COPS9: variants seen among roughly 807,000 people sequenced by gnomAD.
COPS9 encodes COP9 signalosome complex subunit 9.
A neutral mutation model predicts 7.2 loss-of-function variants in COPS9; 8 were observed. The observed-to-expected ratio is 1.11, with a 90% CI of 0.65 to 2.00. COPS9 has a LOEUF of 2.00. COPS9 is among the 30% of genes most tolerant of loss of function. The pLI is 0.00. For missense variants in COPS9, 74 were observed against 77.7 expected (o/e 0.95, Z 0.18); for synonymous variants, 39 against 28.7 (o/e 1.36, Z -1.14).
At chr2:240,127,462 G>T (rs2071878130), downstream of COPS9, among the ~76,000 whole-genome samples, 1 of 152,070 alleles carries the variant, frequency 6.6e-6, no homozygotes, top group Admixed American at 6.5e-5. Context: ...TGCCCACATC[G>T]GGCCATGTCT....
chr2:240,134,037 T>C (rs779658569), intron 1 of COPS9, 32 bp from the exon 2 acceptor site: 4 of 1,611,104 alleles, frequency 2.5e-6, no homozygotes, highest in Non-Finnish European at 8.5e-7. Flanking sequence ...TTATGTCAGG[T>C]GCGTTTTCCG....
intron 1 of COPS9, among the ~76,000 whole-genome samples, chr2:240,134,603 C>T (rs1479173172): frequency 1.3e-5 from 2 of 152,198 alleles, no homozygotes; most frequent in East Asian, 3.9e-4. Context: ...CCTCTGACAG[C>T]AGCACCCTGG....
chr2:240,130,644 C>T (rs144589045), downstream of COPS9, among the ~76,000 whole-genome samples: 10 of 152,356 alleles, frequency 6.6e-5, no homozygotes, highest in South Asian at 4.1e-4. Context: ...CAGCTGTGCA[C>T]GGGCCGCGCT....
chr2:240,128,928 T>A (rs968402544), downstream of COPS9, among the ~76,000 whole-genome samples: 2 of 152,232 alleles, frequency 1.3e-5, no homozygotes, highest in African/African-American at 4.8e-5. Context: ...GACACTGACA[T>A]GCACACATGT....
chr2:240,129,415 C>T (rs1306040476), downstream of COPS9, among the ~76,000 whole-genome samples: 1 of 152,194 alleles, frequency 6.6e-6, no homozygotes, highest in Non-Finnish European at 1.5e-5. Context: ...ACCCTCCCGC[C>T]TCACCCTCCC....
chr2:240,127,778 T>C (rs1227772920), downstream of COPS9, among the ~76,000 whole-genome samples: 1 of 152,148 alleles, frequency 6.6e-6, no homozygotes, highest in East Asian at 1.9e-4. Context: ...AGTCCCTCTG[T>C]TGTTGCTTGT....
chr2:240,126,875 C>G, downstream of COPS9: 4 of 1,614,178 alleles, frequency 2.5e-6, no homozygotes, highest in Non-Finnish European at 3.4e-6. Flanking sequence ...CCGCCCCCTG[C>G]CCATGGCCTG....
chr2:240,127,354 G>T (rs2071877320), downstream of COPS9, among the ~76,000 whole-genome samples: 1 of 151,384 alleles, frequency 6.6e-6, no homozygotes, highest in African/African-American at 2.4e-5. Context: ...CAGGGCCCCT[G>T]TTAACCAGTC....
chr2:240,130,028 G>A, downstream of COPS9: 1 of 1,610,474 alleles, frequency 6.2e-7, no homozygotes, highest in Non-Finnish European at 8.5e-7. Flanking sequence ...GTCCTGAGCT[G>A]CTGAGCCCCA....
At chr2:240,135,186 TC>T (rs2071963102) in intron 1 of COPS9, among the ~76,000 whole-genome samples, 1 of 151,918 alleles carries the variant, frequency 6.6e-6, no homozygotes, top group African/African-American at 2.4e-5. Flanking sequence ...GACACAACAT[TC>T]CCTTCCCTTG....
At position 240,136,178 on chromosome 2, in the gene COPS9, TC is replaced by T. The variant is rs1201878789; in HGVS notation, c.63+43del. Reference sequence around the variant, plus strand: ...AGGACGCCGCCCTTCCGCTCCCCCTTCCCCGCTCCCCACGCTCGGAGACTCC... The same window carrying T: ...AGGACGCCGCCCTTCCGCTCCCCCTTCCCGCTCCCCACGCTCGGAGACTCC... On this transcript the variant is annotated intron_variant, in intron 1 of 2. Transcript: ENST00000607357. 7 of 1,470,070 alleles carry T rather than the reference TC, an allele frequency of 4.8e-6. No individual in the cohort carries two copies. In the East Asian group the frequency reaches 1.1e-4, roughly 24 times the overall value. The allele number at this position is 1,470,070 out of a possible 1,614,324, so 91.1% of individuals were successfully genotyped here.
At chr2:240,131,369 G>A (rs78869736) in intron 2 of COPS9, among the ~76,000 whole-genome samples, 3 of 152,278 alleles carry the variant, frequency 2.0e-5, no homozygotes, top group South Asian at 2.1e-4. Context: ...GGACACCACC[G>A]CACAGCCACA....
rs988814763 is a variant in COPS9, at chr2:240,130,829, G to A, written c.*222C>T. 3 of 1,402,220 alleles carry A rather than the reference G, an allele frequency of 2.1e-6. No individual in the cohort carries two copies. The highest frequency in any genetic ancestry group is 3.2e-5 in the Admixed American group (1 of 31,674). 86.9% of individuals were successfully genotyped at this position (1,402,220 alleles called of 1,614,324 possible). A position where few individuals can be genotyped will look rare whatever the true frequency, so the allele number is the denominator to read the frequency against. On this transcript the variant is annotated 3_prime_UTR_variant, in exon 3 of 3. Coordinates refer to ENST00000607357, the MANE Select transcript of COPS9 (RefSeq NM_001163424.2). ...GCAAGAAAGAGATCACTCCACATGTGACATTGCTTTCTTTTAATTGGAGTG... is the reference window on the plus strand; with the variant it reads ...GCAAGAAAGAGATCACTCCACATGTAACATTGCTTTCTTTTAATTGGAGTG...
chr2:240,131,148 C>T, intron 2 of COPS9, 60 bp from the exon 3 acceptor site: 1 of 1,556,028 alleles, frequency 6.4e-7, no homozygotes, highest in South Asian at 1.2e-5. Context: ...GAAGAAATCA[C>T]TTCAGAATGA....
intron 2 of COPS9, among the ~76,000 whole-genome samples, chr2:240,131,764 T>C (rs560685627): frequency 6.6e-6 from 1 of 152,338 alleles, no homozygotes; most frequent in South Asian, 2.1e-4. Context: ...CAATCATCAC[T>C]TTCACAATGG....
downstream of COPS9, chr2:240,126,720 A>G: frequency 1.9e-6 from 3 of 1,614,100 alleles, no homozygotes; most frequent in Non-Finnish European, 2.5e-6. Flanking sequence ...TGTGGTTCTG[A>G]GCACCTCTAG....
intron 2 of COPS9, 48 bp downstream of exon 2, chr2:240,133,885 G>T: frequency 6.3e-7 from 1 of 1,588,466 alleles, no homozygotes; most frequent in Non-Finnish European, 8.6e-7. Flanking sequence ...TTCACCTAGA[G>T]AAGAAATATT....
downstream of COPS9, chr2:240,130,767 C>G: frequency 2.3e-6 from 3 of 1,327,100 alleles, no homozygotes; most frequent in Non-Finnish European, 2.9e-6. Flanking sequence ...CACAAACACA[C>G]AGAGACGTTT....
At chr2:240,129,941 C>T (rs749433930), downstream of COPS9, 4 of 1,614,058 alleles carry the variant, frequency 2.5e-6, no homozygotes, top group Non-Finnish European at 2.5e-6. Context: ...GCTCTGCTGC[C>T]TTCCCACGGA....
Sources: gnomAD v4.1 joint callset for allele counts (sites outside exome capture counted in the v4.1 genomes callset) on GRCh38, gnomAD v4.1.1 for gene constraint, MANE v1.5 for transcripts, NCBI Gene and HGNC (gene_info 2026-07-23, HGNC 2026-07-21) for gene names.